FDXR: variants seen among roughly 807,000 people sequenced by gnomAD.
The protein encoded by FDXR is ferredoxin reductase.
In FDXR, 38 loss-of-function variants were observed where a neutral mutation model predicts 58.3. The observed-to-expected ratio is 0.65, with a 90% CI of 0.50 to 0.85. The LOEUF (loss-of-function observed/expected upper bound fraction) is 0.85, where lower values mean the gene tolerates loss of function less well. Among genes scored for constraint, FDXR ranks in the 40% least tolerant of loss-of-function variants. The probability of loss-of-function intolerance (pLI) is 0.00; values close to 1 mark genes in which losing one functional copy is unlikely to be tolerated. For missense variants in FDXR, 624 were observed against 671.0 expected, an observed-to-expected ratio of 0.93 and a Z score of 0.77; for synonymous variants, 275 against 273.8, an observed-to-expected ratio of 1.00 and a Z score of -0.04.
At position 74,865,851 on chromosome 17, in the gene FDXR, C is replaced by T. The variant is rs560400822; in HGVS notation, c.508-31G>A. 7.8e-5 allele frequency: 120 copies of T among 1,541,770 alleles called. 1 individual carries two copies. The Admixed American group carries it at 9.6e-4, about 12-fold the overall frequency. On this transcript the variant is annotated intron_variant, in intron 5 of 11. Coordinates refer to ENST00000293195, the MANE Select transcript of FDXR (RefSeq NM_024417.5). Reference sequence around the variant, plus strand: ...GGGGAAAGGTCTTGATAGGGTCCCCCAGCCTCGCTCCACTCAGTTCATCTC... The same window carrying T: ...GGGGAAAGGTCTTGATAGGGTCCCCTAGCCTCGCTCCACTCAGTTCATCTC...
intron 6 of FDXR, 54 bp from the exon 7 acceptor site, chr17:74,864,985 C>CT: frequency 6.2e-7 from 1 of 1,613,330 alleles, no homozygotes; most frequent in Non-Finnish European, 8.5e-7. Context: ...GGAAAGGGGA[C>CT]TCTCCATTTG....
intron 6 of FDXR, 61 bp downstream of exon 6, chr17:74,865,658 G>A: frequency 8.6e-7 from 1 of 1,169,178 alleles, no homozygotes; most frequent in Non-Finnish European, 1.2e-6. Context: ...CTGCAGACAA[G>A]GGCACTCTCT....
chr17:74,868,465 A>T, intron 2 of FDXR: 1 of 918,742 alleles, frequency 1.1e-6, no homozygotes, highest in Non-Finnish European at 1.7e-6. Flanking sequence ...TGCCTTGCTC[A>T]AAAATCTTCG....
intron 2 of FDXR, 168 bp from the exon 3 acceptor site, chr17:74,867,044 C>T (rs917733070): frequency 4.8e-5 from 69 of 1,427,106 alleles, no homozygotes; most frequent in African/African-American, 1.0e-4. Flanking sequence ...GGGTGGCTCG[C>T]GCCTGTCAGC....
intron 2 of FDXR, chr17:74,870,189 T>G (rs114547857): frequency 7.0e-4 from 200 of 285,058 alleles, no homozygotes; most frequent in African/African-American, 4.1e-3. Flanking sequence ...GGAAAGCATG[T>G]GCACGTGTCT....
intron 10 of FDXR, among the ~76,000 whole-genome samples, chr17:74,863,491 G>A (rs2038050414): frequency 6.6e-6 from 1 of 152,218 alleles, no homozygotes; most frequent in Non-Finnish European, 1.5e-5. Context: ...CTTAGGAGCT[G>A]AGGCTTGCTC....
In FDXR at chr17:74,866,130, C is replaced by T. The variant is rs767115077; in HGVS notation, c.507+1G>A. On this transcript the variant is annotated splice_donor_variant, in intron 5 of 11. Coordinates refer to ENST00000293195, the MANE Select transcript of FDXR (RefSeq NM_024417.5). LOFTEE classifies it high-confidence loss of function. ...GCAGCGGGCGTGCTCCCCATACTCA[C>T]CTCCTGGTTCTCAGGAAGCCCGTTG... The T allele has an allele frequency of 1.9e-6, 3 of 1,609,114 alleles. No individual in the cohort carries two copies. The highest frequency in any genetic ancestry group is 2.6e-6 in the Non-Finnish European group (3 of 1,176,224).
intron 2 of FDXR, among the ~76,000 whole-genome samples, chr17:74,867,306 CA>C (rs56079045): frequency 0.041 from 673 of 16,528 alleles, 1 homozygote; most frequent in African/African-American, 0.08. Flanking sequence ...GACTCTGTCT[CA>C]AAAAAAAAAA....
At chr17:74,865,357 A>T (rs1054514595) in intron 6 of FDXR, among the ~76,000 whole-genome samples, 3 of 152,126 alleles carry the variant, frequency 2.0e-5, no homozygotes, top group Non-Finnish European at 2.9e-5. Flanking sequence ...GGGAGGAGGC[A>T]CGATGGGGGA....
intron 11 of FDXR, 23 bp downstream of exon 11, chr17:74,863,053 G>C: frequency 6.2e-7 from 1 of 1,607,382 alleles, no homozygotes; most frequent in Non-Finnish European, 8.5e-7. Flanking sequence ...CACCTCCCAG[G>C]ACCTCAGCAT....
rs760016752 is a variant in FDXR at position 74,866,784 on chromosome 17, C to T, written c.270G>A (p.Lys90=). Residue 90 remains lysine, a splice_region_variant and synonymous_variant, in exon 3 of 12, where the codon AAG becomes AAA. Coordinates refer to ENST00000293195, the MANE Select transcript of FDXR (RefSeq NM_024417.5). ...FGVAPDHPEV[K]NVINTFTQTA... Reference sequence around the variant, plus strand: ...AGCCTCCAGGCCCAGAGACACCCACCTTCACCTCGGGGTGATCAGGCGCCA... The same window carrying T: ...AGCCTCCAGGCCCAGAGACACCCACTTTCACCTCGGGGTGATCAGGCGCCA... 6.2e-7 allele frequency: 1 copy of T among 1,614,114 alleles called. No individual in the cohort carries two copies. Among genetic ancestry groups the T allele is most frequent in the Non-Finnish European group, 8.5e-7 (1 of 1,180,010 alleles).
At chr17:74,864,728 C>T in intron 7 of FDXR, 96 bp downstream of exon 7, 5 of 1,537,732 alleles carry the variant, frequency 3.3e-6, no homozygotes, top group Non-Finnish European at 4.5e-6. Flanking sequence ...CCATCCCAGG[C>T]AGCAGCTACT....
At chr17:74,869,626 C>T (rs1442283999) in intron 2 of FDXR, among the ~76,000 whole-genome samples, 3 of 152,166 alleles carry the variant, frequency 2.0e-5, no homozygotes, top group African/African-American at 7.2e-5. Flanking sequence ...TGGGACATCT[C>T]TCCCTCCAGA....
In FDXR at chr17:74,863,930, G is replaced by A. The variant is rs765096765; in HGVS notation, c.1140C>T (p.Ile380=). The stretch of plus-strand genomic sequence containing the variant: ...CCATAACCCGGCCCTCCACATTGGG[G>A]ATGACCCCAAGCTTGGAGTCAAAGG... ...SVPFDSKLGV[I]PNVEGRVMDV... Residue 380 remains isoleucine, a synonymous_variant, in exon 10 of 12, where the codon ATC becomes ATT. Transcript: ENST00000293195. 2 of 1,614,056 alleles carry A rather than the reference G, an allele frequency of 1.2e-6. No individual in the cohort carries two copies. Among genetic ancestry groups the A allele is most frequent in the Non-Finnish European group, 1.7e-6 (2 of 1,179,984 alleles).
chr17:74,869,985 T>C (rs2038317917), intron 2 of FDXR: 1 of 453,038 alleles, frequency 2.2e-6, no homozygotes, highest in Non-Finnish European at 4.5e-6. Flanking sequence ...GCTTTGCAGG[T>C]TGTCATGAGG....
At chr17:74,865,417 C>T (rs2038142219) in intron 6 of FDXR, among the ~76,000 whole-genome samples, 2 of 152,102 alleles carry the variant, frequency 1.3e-5, no homozygotes, top group African/African-American at 4.8e-5. Flanking sequence ...GAGCCAAGAT[C>T]TCAAAGATGA....
chr17:74,866,465 G>A lies in FDXR; in HGVS notation c.374C>T (p.Ala125Val), dbSNP rs1372853313. The A allele has an allele frequency of 6.2e-7, 1 of 1,613,250 alleles. No homozygotes were observed. The highest frequency in any genetic ancestry group is 1.7e-5 in the Admixed American group (1 of 59,966). Residue 125 changes from alanine (A) to valine (V), a missense_variant, in exon 4 of 12, where the codon GCC (alanine) becomes GTC (valine). Physicochemically the swap from Ala to Val is moderately conservative, Grantham distance 64 (BLOSUM62 0). Transcript: ENST00000293195. ...RDVTVPELQE[A>V]YHAVVLSYGA... ...ACTCACCAGCACCACAGCGTGGTAGGCCTCCTGCAGCTCCGGCACCGTCAC... is the reference window on the plus strand; with the variant it reads ...ACTCACCAGCACCACAGCGTGGTAGACCTCCTGCAGCTCCGGCACCGTCAC...
intron 3 of FDXR, 101 bp from the exon 4 acceptor site, chr17:74,866,669 G>A: frequency 2.5e-6 from 4 of 1,590,396 alleles, no homozygotes; most frequent in Non-Finnish European, 3.4e-6. Flanking sequence ...GAGGGAAGCT[G>A]GGTGGCATGG....
Position 74,865,742 on chromosome 17 carries a change from G to C in FDXR, c.586C>G (p.Leu196Val), listed in dbSNP as rs199800917. The change falls in exon 6 of 12, where the codon CTG becomes GTG. Residue 196 changes from leucine to valine, a missense_variant. Physicochemically the swap from Leu to Val is conservative, Grantham distance 32. Transcript: ENST00000293195. ...ACCTCCAGGTGCTCAGGTGGGGTCAGTAGGATGCGGGCCACGTCCAGAGCC... is the reference window on the plus strand; with the variant it reads ...ACCTCCAGGTGCTCAGGTGGGGTCACTAGGATGCGGGCCACGTCCAGAGCC... Reference protein sequence around the residue: ...NVALDVARILLTPPEHLERTD... With the variant: ...NVALDVARILVTPPEHLERTD... 15 of 1,612,426 alleles carry C rather than the reference G, an allele frequency of 9.3e-6. No homozygotes were observed. Among genetic ancestry groups the C allele is most frequent in the Non-Finnish European group, 1.3e-5 (15 of 1,179,784 alleles).
Sources: gnomAD v4.1 joint callset for allele counts (sites outside exome capture counted in the v4.1 genomes callset) on GRCh38, gnomAD v4.1.1 for gene constraint, MANE v1.5 for transcripts, NCBI Gene and HGNC (gene_info 2026-07-23, HGNC 2026-07-21) for gene names.